The following MFSD6 variants were observed in gnomAD, a reference collection of about 807,000 sequenced individuals.
MFSD6 encodes the protein major facilitator superfamily domain containing 6.
MFSD6 carries 26 observed loss-of-function variants against 56.3 expected under a neutral mutation model. That is an observed-to-expected ratio of 0.46 (90% CI 0.34 to 0.64). MFSD6 has a LOEUF of 0.64. MFSD6 is among the 30% of genes least tolerant of loss of function. MFSD6 has a pLI of 0.01. For missense variants in MFSD6, 750 were observed against 986.2 expected, an observed-to-expected ratio of 0.76 and a Z score of 3.21; for synonymous variants, 331 against 366.9, an observed-to-expected ratio of 0.90 and a Z score of 1.12.
intron 4 of MFSD6, among the ~76,000 whole-genome samples, chr2:190,474,587 C>T (rs1238882413): frequency 6.6e-6 from 1 of 151,928 alleles, no homozygotes; most frequent in Non-Finnish European, 1.5e-5. Context: ...GCTTACCAAC[C>T]AAAAAAAGTC....
chr2:190,497,927 A>T lies in MFSD6; in HGVS notation c.2172+208A>T. ...ATAGAGAGAATATTCTGCCTTATGG[A>T]GTTCAGGAAAACTTCAGAGGTTATG... On this transcript the variant is annotated intron_variant, in intron 7 of 7. Coordinates refer to ENST00000392328, the MANE Select transcript of MFSD6 (RefSeq NM_017694.4). The surrounding 1 kb of genome is among the most constrained non-coding windows in gnomAD (Gnocchi z 5.2). 2.1e-6 allele frequency: 1 copy of T among 467,622 alleles called. No individual in the cohort carries two copies. The highest frequency in any genetic ancestry group is 3.7e-6 in the Non-Finnish European group (1 of 270,484). The allele number at this position is 467,622 out of a possible 1,614,324, so 29.0% of individuals were successfully genotyped here. A position where few individuals can be genotyped will look rare whatever the true frequency, so the allele number is the denominator to read the frequency against.
chr2:190,500,287 C>A lies in MFSD6; in HGVS notation c.*69C>A. On this transcript the variant is annotated 3_prime_UTR_variant, in exon 8 of 8. Coordinates refer to ENST00000392328, the MANE Select transcript of MFSD6 (RefSeq NM_017694.4). The surrounding 1 kb of genome is among the most constrained non-coding windows in gnomAD (Gnocchi z 5.3). ...CAGCCAGGACACAGGGTGAGGCCCC[C>A]CAGCCAGGATATGCCTCCCCTGGAG... 6.4e-7 allele frequency: 1 copy of A among 1,553,214 alleles called. No homozygotes were observed. The highest frequency in any genetic ancestry group is 2.3e-5 in the East Asian group (1 of 44,058).
intron 3 of MFSD6, among the ~76,000 whole-genome samples, chr2:190,440,450 A>G (rs1224935752): frequency 2.6e-5 from 4 of 152,254 alleles, no homozygotes; most frequent in Non-Finnish European, 5.9e-5. Context: ...ATCCAAAATC[A>G]TAAGACTTTG....
chr2:190,455,780 C>A (rs1461658193), intron 3 of MFSD6, among the ~76,000 whole-genome samples: 1 of 150,654 alleles, frequency 6.6e-6, no homozygotes, highest in Non-Finnish European at 1.5e-5. Flanking sequence ...TTTTGTGATT[C>A]CTGTCACAAA....
rs535166388 is a variant in MFSD6 at position 190,499,142 on chromosome 2, C to T, written c.2173-873C>T. Among the ~76,000 whole-genome samples the T allele has an allele frequency of 3.3e-5, 5 of 152,028 alleles. No homozygotes were observed. In the East Asian group the frequency reaches 7.7e-4, roughly 23 times the overall value. On this transcript the variant is annotated intron_variant, in intron 7 of 7. Coordinates refer to ENST00000392328, the MANE Select transcript of MFSD6 (RefSeq NM_017694.4). The surrounding 1 kb of genome is among the most constrained non-coding windows in gnomAD (Gnocchi z 6.0). The stretch of plus-strand genomic sequence containing the variant: ...CGGCCTAGGCGACAGAGTGAGACTC[C>T]GTCTCAAAATTATAATAACAATAAT...
rs944032639 is a variant in MFSD6, at chr2:190,471,868, G to A, written c.1630+2013G>A. ...TAGGGGCAGACTGATAACTCATACG[G>A]CCGGGTACCCCTCTGAGACAAAACT... On this transcript the variant is annotated intron_variant, in intron 4 of 7. Transcript: ENST00000392328. This position sits in a 1 kb window ranked among gnomAD's most constrained non-coding sequence, Gnocchi z 4.7. Among the ~76,000 whole-genome samples, 1 of 152,166 alleles carries A rather than the reference G, an allele frequency of 6.6e-6. No homozygotes were observed. The highest frequency in any genetic ancestry group is 1.9e-4 in the East Asian group (1 of 5,194).
chr2:190,481,169 T>C (rs1473121732), intron 4 of MFSD6, among the ~76,000 whole-genome samples: 1 of 152,254 alleles, frequency 6.6e-6, no homozygotes, highest in East Asian at 1.9e-4. Flanking sequence ...TTAAACTCCC[T>C]GGGTTTTGGG....
chr2:190,466,073 G>A (rs928236217), intron 3 of MFSD6, among the ~76,000 whole-genome samples: 3 of 152,168 alleles, frequency 2.0e-5, no homozygotes, highest in African/African-American at 7.2e-5. Flanking sequence ...TTTGGCTTAG[G>A]TTTTCTTCCA....
rs1469635754 is a variant in MFSD6 at position 190,416,883 on chromosome 2, T to C, written c.-54+1470T>C. Among the ~76,000 whole-genome samples the C allele has an allele frequency of 6.6e-6, 1 of 152,234 alleles. No individual in the cohort carries two copies. The highest frequency in any genetic ancestry group is 1.9e-4 in the East Asian group (1 of 5,204). ...ATGCAACTGGGACTTCTTTTGACTC[T>C]ACTTCCTAAAATGAATTTTTGATCA... On this transcript the variant is annotated intron_variant, in intron 2 of 7. Transcript: ENST00000392328. This position sits in a 1 kb window ranked among gnomAD's most constrained non-coding sequence, Gnocchi z 4.1.
In MFSD6 at chr2:190,488,162, A is replaced by C. The variant is rs13004896; in HGVS notation, c.1631-495A>C. Among the ~76,000 whole-genome samples, 5,931 of 152,328 alleles carry C rather than the reference A, an allele frequency of 0.039. 196 individuals carry two copies. Among genetic ancestry groups the C allele is most frequent in the Non-Finnish European group, 0.054 (3,678 of 68,018 alleles). On this transcript the variant is annotated intron_variant, in intron 4 of 7. Coordinates refer to ENST00000392328, the MANE Select transcript of MFSD6 (RefSeq NM_017694.4). The surrounding 1 kb of genome is among the most constrained non-coding windows in gnomAD (Gnocchi z 6.4). ...GTGATCCACCCGCCTCGGCCTCCCA[A>C]AGTGCTGGGATTACAGGCGTGAGCC...
chr2:190,429,371 C>T (rs1685889150), intron 2 of MFSD6, among the ~76,000 whole-genome samples: 1 of 151,008 alleles, frequency 6.6e-6, no homozygotes, highest in African/African-American at 2.4e-5. Flanking sequence ...TGTCGCCCAG[C>T]CTGGAGTACA....
At chr2:190,440,872 G>T (rs771814268) in intron 3 of MFSD6, among the ~76,000 whole-genome samples, 25 of 152,192 alleles carry the variant, frequency 1.6e-4, no homozygotes, top group Non-Finnish European at 4.4e-5. Context: ...GATGCAGCTA[G>T]TAAGAGGAGG....
chr2:190,464,015 A>G (rs1378345247), intron 3 of MFSD6: 1 of 488,354 alleles, frequency 2.0e-6, no homozygotes, highest in African/African-American at 2.1e-5. Context: ...AACTCCAGCC[A>G]GGTATAGCTG....
Position 190,416,440 on chromosome 2 carries a change from T to A in MFSD6, c.-54+1027T>A, listed in dbSNP as rs533783748. Among the ~76,000 whole-genome samples, 7 of 152,366 alleles carry A rather than the reference T, an allele frequency of 4.6e-5. No individual in the cohort carries two copies. The South Asian group carries it at 1.4e-3, about 32-fold the overall frequency. On this transcript the variant is annotated intron_variant, in intron 2 of 7. Coordinates refer to ENST00000392328, the MANE Select transcript of MFSD6 (RefSeq NM_017694.4). This position sits in a 1 kb window ranked among gnomAD's most constrained non-coding sequence, Gnocchi z 4.1. ...AGAATATTTTATTTTAAGTGAATAG[T>A]TATTTCTTTCCTGGAGATAATGAAT...
At position 190,471,870 on chromosome 2, in the gene MFSD6, C is replaced by T. The variant is rs371997275; in HGVS notation, c.1630+2015C>T. On this transcript the variant is annotated intron_variant, in intron 4 of 7. Transcript: ENST00000392328. The surrounding 1 kb of genome is among the most constrained non-coding windows in gnomAD (Gnocchi z 4.7). ...GGGGCAGACTGATAACTCATACGGC[C>T]GGGTACCCCTCTGAGACAAAACTTC... Among the ~76,000 whole-genome samples, 8 of 152,162 alleles carry T rather than the reference C, an allele frequency of 5.3e-5. No individual in the cohort carries two copies. Among genetic ancestry groups the T allele is most frequent in the East Asian group, 1.9e-4 (1 of 5,194 alleles).
chr2:190,428,077 A>G (rs1685839593), intron 2 of MFSD6, among the ~76,000 whole-genome samples: 1 of 151,982 alleles, frequency 6.6e-6, no homozygotes. Context: ...CCTGTTTATT[A>G]TTTTTCCATA....
chr2:190,444,423 C>T (rs1267743096), intron 3 of MFSD6, among the ~76,000 whole-genome samples: 3 of 152,200 alleles, frequency 2.0e-5, no homozygotes, highest in African/African-American at 7.2e-5. Flanking sequence ...ACTGTAATAT[C>T]AGTGTCAGTT....
Position 190,490,345 on chromosome 2 carries a change from C to T in MFSD6, c.1891+479C>T, listed in dbSNP as rs1369249297. 3.3e-5 allele frequency among the ~76,000 whole-genome samples: 5 copies of T among 151,608 alleles called. No homozygotes were observed. The highest frequency in any genetic ancestry group is 7.4e-5 in the Non-Finnish European group (5 of 67,924). ...TTGGGAGGCCGAGGCGGGTGGATCA[C>T]GAGGTTAGGAGATCAAGACCATCTT... On this transcript the variant is annotated intron_variant, in intron 6 of 7. Coordinates refer to ENST00000392328, the MANE Select transcript of MFSD6 (RefSeq NM_017694.4). This position sits in a 1 kb window ranked among gnomAD's most constrained non-coding sequence, Gnocchi z 4.5.
chr2:190,489,632 TA>T lies in MFSD6; in HGVS notation c.1793-134del. The T allele has an allele frequency of 1.4e-6, 1 of 738,918 alleles. No homozygotes were observed. The allele number at this position is 738,918 out of a possible 1,614,324, so 45.8% of individuals were successfully genotyped here. On this transcript the variant is annotated intron_variant, in intron 5 of 7. Coordinates refer to ENST00000392328, the MANE Select transcript of MFSD6 (RefSeq NM_017694.4). The surrounding 1 kb of genome is among the most constrained non-coding windows in gnomAD (Gnocchi z 6.6). ...CCTGTGTTTTTCCATTATGTGGAGC[TA>T]ATACCCAACTACTTTTCTCTGGTTT...
Sources: gnomAD v4.1 joint callset for allele counts (sites outside exome capture counted in the v4.1 genomes callset) on GRCh38, gnomAD v4.1.1 for gene constraint, Gnocchi (gnomAD v3.1) non-coding constraint, MANE v1.5 for transcripts, NCBI Gene and HGNC (gene_info 2026-07-23, HGNC 2026-07-21) for gene names.